Variants in ZNF503 observed in about 807,000 individuals in gnomAD.
ZNF503 encodes the protein NocA-like zinc finger 2.
In ZNF503, 15 loss-of-function variants were observed where a neutral mutation model predicts 34.4. The ratio of observed to expected loss-of-function variants is 0.44; its 90% confidence interval spans 0.29 to 0.67. The LOEUF is 0.67. Ranked by LOEUF, ZNF503 falls within the 30% of genes least tolerant of loss-of-function variation. The pLI is 0.13. For missense variants in ZNF503, 1,007 were observed against 926.8 expected, an observed-to-expected ratio of 1.09 and a Z score of -1.12; for synonymous variants, 580 against 456.8, an observed-to-expected ratio of 1.27 and a Z score of -3.44.
At chr10:75,396,350 G>T (rs1843696937), downstream of ZNF503, among the ~76,000 whole-genome samples, 2 of 152,194 alleles carry the variant, frequency 1.3e-5, no homozygotes, top group African/African-American at 4.8e-5. The surrounding 1 kb of genome is among the most constrained non-coding windows in gnomAD (Gnocchi z 4.4). Flanking sequence ...AGGGTCGGGG[G>T]TGTGGAGACG....
the ZNF503 span, among the ~76,000 whole-genome samples, chr10:75,307,943 G>T: frequency 2.9e-4 from 44 of 152,178 alleles, no homozygotes; most frequent in Admixed American, 2.3e-3. Flanking sequence ...AGCCAGATAT[G>T]ATGGCACATG....
the ZNF503 span, among the ~76,000 whole-genome samples, chr10:75,341,240 C>T: frequency 4.7e-4 from 72 of 152,240 alleles, 2 homozygotes; most frequent in Non-Finnish European, 9.3e-4. Flanking sequence ...GAGACTGCCC[C>T]TCTAGAACAG....
the ZNF503 span, among the ~76,000 whole-genome samples, chr10:75,285,893 C>T: frequency 6.6e-6 from 1 of 152,158 alleles, no homozygotes; most frequent in Non-Finnish European, 1.5e-5. Context: ...TGTTCTAGAC[C>T]TGGCTTTGCG....
downstream of ZNF503, among the ~76,000 whole-genome samples, chr10:75,397,078 G>A (rs1353209588): frequency 6.6e-6 from 1 of 152,188 alleles, no homozygotes; most frequent in East Asian, 1.9e-4. Context: ...GGGGCTTTCC[G>A]GGTCCTGGCC....
the ZNF503 span, among the ~76,000 whole-genome samples, chr10:75,317,350 T>C: frequency 7.4e-6 from 1 of 135,754 alleles, no homozygotes. Context: ...CTATCTCGGC[T>C]CACTGCAAGC....
the ZNF503 span, among the ~76,000 whole-genome samples, chr10:75,320,250 G>A: frequency 0.013 from 1,905 of 152,132 alleles, 42 homozygotes; most frequent in African/African-American, 0.044. Flanking sequence ...GGGAGGCTGA[G>A]GTAAGCAGAT....
At chr10:75,294,121 A>G in the ZNF503 span, among the ~76,000 whole-genome samples, 1 of 152,244 alleles carries the variant, frequency 6.6e-6, no homozygotes, top group Admixed American at 6.5e-5. Context: ...AGAGGTTACC[A>G]GCGTCTCCTT....
chr10:75,377,148 G>C, the ZNF503 span, among the ~76,000 whole-genome samples: 2 of 152,176 alleles, frequency 1.3e-5, no homozygotes, highest in East Asian at 1.9e-4. Flanking sequence ...CCCTCAGGAC[G>C]TTGTGACTCA....
At chr10:75,328,139 T>C in the ZNF503 span, among the ~76,000 whole-genome samples, 5 of 152,198 alleles carry the variant, frequency 3.3e-5, no homozygotes, top group African/African-American at 9.6e-5. Flanking sequence ...GTGTTGCTTA[T>C]GCTTTTGAGG....
chr10:75,389,628 G>A, the ZNF503 span, among the ~76,000 whole-genome samples: 2 of 152,164 alleles, frequency 1.3e-5, no homozygotes, highest in African/African-American at 2.4e-5. Flanking sequence ...TACTCAGGAG[G>A]CTGAGGCAGG....
the ZNF503 span, among the ~76,000 whole-genome samples, chr10:75,376,934 A>G: frequency 6.6e-6 from 1 of 152,154 alleles, no homozygotes; most frequent in African/African-American, 2.4e-5. Flanking sequence ...TGCCCTTGAC[A>G]TGTGGGGATT....
the ZNF503 span, among the ~76,000 whole-genome samples, chr10:75,337,785 AG>A: frequency 6.6e-6 from 1 of 152,244 alleles, no homozygotes; most frequent in African/African-American, 2.4e-5. Flanking sequence ...TCAGTGGACC[AG>A]TGGCTTGCAG....
chr10:75,333,053 C>T, the ZNF503 span, among the ~76,000 whole-genome samples: 313 of 132,256 alleles, frequency 2.4e-3, no homozygotes, highest in Middle Eastern at 4.1e-3. Flanking sequence ...TAGGGGCGGC[C>T]GGGCAGAGGC....
chr10:75,355,730 C>T, the ZNF503 span, among the ~76,000 whole-genome samples: 1 of 152,150 alleles, frequency 6.6e-6, no homozygotes, highest in South Asian at 2.1e-4. Context: ...TAGAAATTAC[C>T]CCAAATTTAG....
At chr10:75,383,036 A>T in the ZNF503 span, among the ~76,000 whole-genome samples, 1 of 152,122 alleles carries the variant, frequency 6.6e-6, no homozygotes, top group Non-Finnish European at 1.5e-5. Flanking sequence ...AGGCTTCCTA[A>T]CACACTGCTC....
the ZNF503 span, among the ~76,000 whole-genome samples, chr10:75,308,538 T>G: frequency 0.029 from 4,438 of 152,312 alleles, 204 homozygotes; most frequent in African/African-American, 0.1. Context: ...CTGATGGATC[T>G]GGGCAAAGTA....
chr10:75,364,611 G>T, the ZNF503 span, among the ~76,000 whole-genome samples: 1 of 152,086 alleles, frequency 6.6e-6, no homozygotes, highest in African/African-American at 2.4e-5. Flanking sequence ...AGTCCAGAAA[G>T]CCCCATCACC....
At chr10:75,363,380 G>C in the ZNF503 span, among the ~76,000 whole-genome samples, 1 of 152,180 alleles carries the variant, frequency 6.6e-6, no homozygotes, top group Admixed American at 6.5e-5. Flanking sequence ...TGGGGTCCAG[G>C]AGCATCCTTC....
At chr10:75,312,819 T>G in the ZNF503 span, among the ~76,000 whole-genome samples, 1 of 152,230 alleles carries the variant, frequency 6.6e-6, no homozygotes. Context: ...TTTGGCTCTG[T>G]GTCCCAACTC....
Sources: gnomAD v4.1 joint callset for allele counts (sites outside exome capture counted in the v4.1 genomes callset) on GRCh38, gnomAD v4.1.1 for gene constraint, Gnocchi (gnomAD v3.1) non-coding constraint, MANE v1.5 for transcripts, NCBI Gene and HGNC (gene_info 2026-07-23, HGNC 2026-07-21) for gene names.